MID1: variants seen among roughly 807,000 people sequenced by gnomAD.
MID1 encodes E3 ubiquitin-protein ligase Midline-1.
In MID1, 7 loss-of-function variants were observed where a neutral mutation model predicts 40.4. The observed-to-expected ratio is 0.17, with a 90% CI of 0.10 to 0.33. The LOEUF is 0.33. MID1 is among the 10% of genes least tolerant of loss of function. MID1 has a pLI of 1.00. For synonymous variants in MID1, 229 were observed against 221.2 expected, an observed-to-expected ratio of 1.04 and a Z score of -0.31; for missense variants, 367 against 558.5, an observed-to-expected ratio of 0.66 and a Z score of 3.46.
chrX:10,715,501 G>C (rs765375345), intron 1 of MID1, among the ~76,000 whole-genome samples: 1 of 111,876 alleles, frequency 8.9e-6, no homozygotes, highest in Admixed American at 9.5e-5. Flanking sequence ...CTGGGGGAGG[G>C]GCGCCTGTCA....
intron 1 of MID1, among the ~76,000 whole-genome samples, chrX:10,832,484 A>C (rs964872716): frequency 8.9e-6 from 1 of 112,384 alleles, no homozygotes; most frequent in African/African-American, 3.2e-5. Context: ...CACTTGTTGC[A>C]GTCAGTAGCA....
intron 3 of MID1, among the ~76,000 whole-genome samples, chrX:10,522,073 C>T (rs762220562): frequency 8.4e-4 from 94 of 112,031 alleles, no homozygotes; most frequent in Middle Eastern, 9.2e-3. Context: ...TGAGCTCAAG[C>T]GATCCTCCTG....
At chrX:10,595,438 T>C (rs1935392569) in intron 1 of MID1, among the ~76,000 whole-genome samples, 1 of 111,751 alleles carries the variant, frequency 8.9e-6, no homozygotes, top group African/African-American at 3.3e-5. Flanking sequence ...GAGGACATTA[T>C]GTTAGGTGGA....
At chrX:10,545,038 C>T (rs768806302) in intron 2 of MID1, among the ~76,000 whole-genome samples, 2 of 110,590 alleles carry the variant, frequency 1.8e-5, no homozygotes, top group African/African-American at 6.6e-5. Context: ...CTCACTGCAA[C>T]CTCCACCTAC....
chrX:10,503,429 C>T (rs1931660603), intron 3 of MID1, among the ~76,000 whole-genome samples: 1 of 112,192 alleles, frequency 8.9e-6, no homozygotes, highest in Non-Finnish European at 1.9e-5. Flanking sequence ...GGCCTGGCTC[C>T]TGAGGTCTCT....
At chrX:10,636,785 G>GATATATATAT (rs60188235) in intron 1 of MID1, among the ~76,000 whole-genome samples, 1,882 of 42,499 alleles carry the variant, frequency 0.044, 127 homozygotes, top group Admixed American at 0.05. Flanking sequence ...CAACAATGGG[G>GATATATATAT]ATATATATAT....
chrX:10,713,810 T>C lies in MID1; in HGVS notation c.-186-93391A>G, dbSNP rs1449995971. ...TCCAAAGAGGTTCAGAACTTAAGTGTTGTCATGTAGTAAGTGCCAGGCCAG... is the reference window on the plus strand; with the variant it reads ...TCCAAAGAGGTTCAGAACTTAAGTGCTGTCATGTAGTAAGTGCCAGGCCAG... On this transcript the variant is annotated intron_variant, in intron 1 of 10. Coordinates refer to the MID1 transcript ENST00000380785. 7.1e-5 allele frequency among the ~76,000 whole-genome samples: 8 copies of C among 111,940 alleles called. No homozygotes were observed. The Admixed American group carries it at 7.6e-4, about 11-fold the overall frequency.
At chrX:10,766,429 G>T (rs774909945) in intron 1 of MID1, among the ~76,000 whole-genome samples, 3 of 111,826 alleles carry the variant, frequency 2.7e-5, no homozygotes, top group African/African-American at 9.8e-5. Flanking sequence ...CCAAGGATCC[G>T]GCTGATGTGG....
chrX:10,663,931 C>T (rs761316489), intron 1 of MID1, among the ~76,000 whole-genome samples: 83 of 111,699 alleles, frequency 7.4e-4, no homozygotes, highest in Middle Eastern at 4.6e-3. Flanking sequence ...TGAGTATACA[C>T]GCATCCTCCC....
At chrX:10,576,567 T>C (rs1236728717) in intron 1 of MID1, among the ~76,000 whole-genome samples, 1 of 111,298 alleles carries the variant, frequency 9.0e-6, no homozygotes, top group African/African-American at 3.3e-5. Flanking sequence ...CAAAGACAAA[T>C]GGCAATGCAA....
chrX:10,728,601 G>A (rs1378123582), intron 1 of MID1, among the ~76,000 whole-genome samples: 1 of 111,938 alleles, frequency 8.9e-6, no homozygotes, highest in Non-Finnish European at 1.9e-5. Context: ...TTAACAAGAG[G>A]AGCAGGACAA....
intron 2 of MID1, among the ~76,000 whole-genome samples, chrX:10,555,480 A>T (rs1934083486): frequency 9.0e-6 from 1 of 111,313 alleles, no homozygotes; most frequent in Non-Finnish European, 1.9e-5. Flanking sequence ...CTGTCTATAT[A>T]TTCTTATTAC....
chrX:10,678,323 G>GTACC (rs779373989), intron 1 of MID1, among the ~76,000 whole-genome samples: 52 of 111,054 alleles, frequency 4.7e-4, no homozygotes, highest in African/African-American at 1.7e-3. Flanking sequence ...GTTGTTCTCT[G>GTACC]TACCAGTACC....
intron 2 of MID1, among the ~76,000 whole-genome samples, chrX:10,547,202 G>C (rs1001481160): frequency 5.4e-5 from 6 of 111,515 alleles, no homozygotes; most frequent in Non-Finnish European, 1.1e-4. Context: ...CTGAGCCGGG[G>C]AGGTCGAGGC....
rs755639299 is a variant in MID1 at position 10,730,869 on chromosome X, C to T, written c.-187+102685G>A. ...GATTACAGGCGTGAGCCACTGCGCC[C>T]GGCAAGATCAGATACTTTTGAGAAG... On this transcript the variant is annotated intron_variant, in intron 1 of 10. Transcript: ENST00000380785. Among the ~76,000 whole-genome samples, 527 of 111,294 alleles carry T rather than the reference C, an allele frequency of 4.7e-3. 2 individuals are homozygous for T. Among genetic ancestry groups the T allele is most frequent in the Non-Finnish European group, 7.5e-3 (400 of 53,034 alleles).
chrX:10,711,889 T>C (rs897123617), intron 1 of MID1, among the ~76,000 whole-genome samples: 23 of 112,170 alleles, frequency 2.1e-4, no homozygotes, highest in African/African-American at 7.1e-4. Context: ...ACATTTTTGG[T>C]TACCACAACT....
At chrX:10,624,111 G>A (rs1420273797), upstream of MID1, among the ~76,000 whole-genome samples, 1 of 112,403 alleles carries the variant, frequency 8.9e-6, no homozygotes, top group Non-Finnish European at 1.9e-5. Context: ...GGGAAACAAT[G>A]TGGCATACCA....
chrX:10,462,104 CT>C (rs1253970882), intron 7 of MID1, among the ~76,000 whole-genome samples: 1 of 111,989 alleles, frequency 8.9e-6, no homozygotes, highest in Non-Finnish European at 1.9e-5. Flanking sequence ...GAAGAGGTCC[CT>C]ATTTTTTCCT....
chrX:10,730,986 T>G (rs2043445207), intron 1 of MID1, among the ~76,000 whole-genome samples: 1 of 112,123 alleles, frequency 8.9e-6, no homozygotes, highest in Admixed American at 9.5e-5. Context: ...TATGGAAATT[T>G]GTGTTATCTA....
Sources: allele counts gnomAD v4.1 joint callset (sites outside exome capture counted in the v4.1 genomes callset), GRCh38; gene constraint gnomAD v4.1.1; transcripts MANE v1.5; gene names NCBI Gene and HGNC (gene_info 2026-07-23, HGNC 2026-07-21).